The following ARHGEF3 variants were observed in gnomAD, a reference collection of about 807,000 sequenced individuals.
ARHGEF3 encodes the protein 59.8 kDA protein.
A neutral mutation model predicts 63.2 loss-of-function variants in ARHGEF3; 28 were observed. The observed-to-expected ratio is 0.44, with a 90% CI of 0.33 to 0.61. The LOEUF is 0.61. Ranked by LOEUF, ARHGEF3 falls within the 20% of genes least tolerant of loss-of-function variation. The probability of loss-of-function intolerance (pLI) is 0.03; values close to 1 mark genes in which losing one functional copy is unlikely to be tolerated. For missense variants in ARHGEF3, 533 were observed against 659.3 expected, an observed-to-expected ratio of 0.81 and a Z score of 2.10; for synonymous variants, 266 against 254.2, an observed-to-expected ratio of 1.05 and a Z score of -0.44.
At chr3:56,834,846 T>C (rs950945544) in intron 4 of ARHGEF3, among the ~76,000 whole-genome samples, 6 of 151,936 alleles carry the variant, frequency 3.9e-5, no homozygotes, top group African/African-American at 1.2e-4. Context: ...CACAAAGCAG[T>C]ATCTGTGCAT....
chr3:56,792,113 A>AAAAAAAAAAAGAAAAG (rs55899473), intron 1 of ARHGEF3, among the ~76,000 whole-genome samples: 21 of 139,972 alleles, frequency 1.5e-4, no homozygotes, highest in Middle Eastern at 3.4e-3. Flanking sequence ...CAAAAAAAAA[A>AAAAAAAAAAAGAAAAG]AAAAGAAAAG....
intron 2 of ARHGEF3, among the ~76,000 whole-genome samples, chr3:56,769,285 G>C (rs1213766896): frequency 6.6e-6 from 1 of 152,190 alleles, no homozygotes; most frequent in Non-Finnish European, 1.5e-5. Context: ...GGCCAAAGGC[G>C]AGCTCGCCTT....
chr3:57,001,935 TTG>T lies in ARHGEF3; in HGVS notation c.62+33151_62+33152del, dbSNP rs1379059736. 3.1e-4 allele frequency among the ~76,000 whole-genome samples: 44 copies of T among 140,476 alleles called. 10 individuals are homozygous for T. Among genetic ancestry groups the T allele is most frequent in the African/African-American group, 7.1e-4 (27 of 38,010 alleles). The allele number at this position is 140,476 out of a possible 152,430, so 92.2% of individuals were successfully genotyped here. A position where few individuals can be genotyped will look rare whatever the true frequency, so the allele number is the denominator to read the frequency against. ...AGATAGTTTTTTTTTTTTTTGTTTT[TTG>T]TTTTGAGACGGAGTCTCACTCTGTT... On this transcript the variant is annotated intron_variant, in intron 2 of 12. Coordinates refer to the ARHGEF3 transcript ENST00000338458.
chr3:56,751,364 T>C lies in ARHGEF3; in HGVS notation c.471A>G (p.Ile157Met). The change falls in exon 5 of 10, where the codon ATA (isoleucine) becomes ATG (methionine). Residue 157 changes from isoleucine to methionine, a missense_variant. Ile to Met is a conservative substitution (Grantham distance 10, BLOSUM62 1). This residue lies in a region of ARHGEF3 where 107 missense variants were observed against 207.9 expected (regional missense o/e 0.51). Coordinates refer to ENST00000296315, the MANE Select transcript of ARHGEF3 (RefSeq NM_019555.3). ...TTTGATTCAACTCTTGTTCTGTCAT[T>C]ATGGAGAGTTTCAGCATGGGGTCAT... ...AYHDPMLKLS[I>M]MTEQELNQIF... The C allele has an allele frequency of 6.2e-7, 1 of 1,614,070 alleles. No individual in the cohort carries two copies. The highest frequency in any genetic ancestry group is 8.5e-7 in the Non-Finnish European group (1 of 1,179,946).
In ARHGEF3 at chr3:56,942,220, G is replaced by A. The variant is rs550600390; in HGVS notation, c.129+16603C>T. 9.8e-5 allele frequency among the ~76,000 whole-genome samples: 15 copies of A among 152,314 alleles called. No individual in the cohort carries two copies. The South Asian group carries it at 1.7e-3, about 17-fold the overall frequency. ...CACTTGGCTTTATTGCACTTTGCAG[G>A]TGCCACAAACTGAAGGTTTGTGGTA... On this transcript the variant is annotated intron_variant, in intron 3 of 12. Transcript: ENST00000338458.
chr3:57,021,375 G>C (rs570530133), intron 2 of ARHGEF3, among the ~76,000 whole-genome samples: 1 of 152,162 alleles, frequency 6.6e-6, no homozygotes, highest in Non-Finnish European at 1.5e-5. Context: ...CTGAAAGCCT[G>C]CATCACATCT....
At chr3:57,023,608 G>A (rs1579111483) in intron 2 of ARHGEF3, among the ~76,000 whole-genome samples, 1 of 152,154 alleles carries the variant, frequency 6.6e-6, no homozygotes, top group South Asian at 2.1e-4. Flanking sequence ...CAGCCCAGAG[G>A]ACTCCCAGGC....
At chr3:56,842,608 T>C (rs1500707) in intron 4 of ARHGEF3, among the ~76,000 whole-genome samples, 114,961 of 152,110 alleles carry the variant, frequency 0.76, 43,562 homozygotes, top group South Asian at 0.81. Flanking sequence ...CCCTCATCTT[T>C]TCCCCTGCCC....
At chr3:56,970,434 G>A (rs532857130) in intron 2 of ARHGEF3, among the ~76,000 whole-genome samples, 3 of 152,270 alleles carry the variant, frequency 2.0e-5, no homozygotes, top group Admixed American at 6.5e-5. Context: ...TGATGGAAGC[G>A]GCTTAGTGGT....
At chr3:56,796,431 C>T (rs7622820) in intron 1 of ARHGEF3, among the ~76,000 whole-genome samples, 10,727 of 152,242 alleles carry the variant, frequency 0.07, 754 homozygotes, top group East Asian at 0.24. Flanking sequence ...CACCTCCACA[C>T]AGCTAAGCAT....
At chr3:56,766,482 T>A (rs2035709563) in intron 2 of ARHGEF3, among the ~76,000 whole-genome samples, 1 of 152,196 alleles carries the variant, frequency 6.6e-6, no homozygotes, top group African/African-American at 2.4e-5. Flanking sequence ...ACTGCCAGGC[T>A]CTGCAGAGAG....
At chr3:56,965,343 AG>A (rs1291039778) in intron 2 of ARHGEF3, among the ~76,000 whole-genome samples, 2 of 152,216 alleles carry the variant, frequency 1.3e-5, no homozygotes, top group Non-Finnish European at 2.9e-5. Flanking sequence ...AGAAATCCCT[AG>A]GAAAATATAA....
At chr3:56,796,455 A>G (rs368671057) in intron 1 of ARHGEF3, among the ~76,000 whole-genome samples, 7 of 152,250 alleles carry the variant, frequency 4.6e-5, no homozygotes, top group African/African-American at 1.7e-4. Flanking sequence ...GAATTCTGCC[A>G]AAGACCAGCT....
At chr3:56,980,897 T>A (rs1701301917) in intron 2 of ARHGEF3, among the ~76,000 whole-genome samples, 1 of 152,226 alleles carries the variant, frequency 6.6e-6, no homozygotes, top group Non-Finnish European at 1.5e-5. Context: ...CCCACCTCAA[T>A]ATCCACATGG....
intron 3 of ARHGEF3, among the ~76,000 whole-genome samples, chr3:56,909,546 GA>G (rs2041798766): frequency 6.6e-6 from 1 of 152,158 alleles, no homozygotes; most frequent in Non-Finnish European, 1.5e-5. Context: ...TGTCTGACCC[GA>G]GCTTGCTGTA....
At chr3:56,786,723 A>G (rs2036837935) in intron 1 of ARHGEF3, among the ~76,000 whole-genome samples, 1 of 152,158 alleles carries the variant, frequency 6.6e-6, no homozygotes, top group Non-Finnish European at 1.5e-5. Flanking sequence ...CTGTGAATAT[A>G]AAAAAATGAT....
At chr3:56,913,917 T>C (rs529470051) in intron 3 of ARHGEF3, among the ~76,000 whole-genome samples, 24 of 152,306 alleles carry the variant, frequency 1.6e-4, no homozygotes, top group Non-Finnish European at 2.8e-4. Flanking sequence ...TAAACCGTGG[T>C]ATATTTATAC....
At chr3:56,777,400 TTG>T (rs1446116275) in intron 1 of ARHGEF3, among the ~76,000 whole-genome samples, 1 of 152,240 alleles carries the variant, frequency 6.6e-6, no homozygotes, top group East Asian at 1.9e-4. Context: ...TTAAAATATC[TTG>T]TGTTTAATTA....
intron 2 of ARHGEF3, among the ~76,000 whole-genome samples, chr3:56,767,546 T>C (rs1271254757): frequency 7.8e-6 from 1 of 128,302 alleles, no homozygotes; most frequent in Non-Finnish European, 1.5e-5. Context: ...ATTGCGCCAC[T>C]GCACTCCAGC....
Sources: allele counts gnomAD v4.1 joint callset (sites outside exome capture counted in the v4.1 genomes callset), GRCh38; gene constraint gnomAD v4.1.1; regional missense constraint gnomAD v4.1.1; transcripts MANE v1.5; gene names NCBI Gene and HGNC (gene_info 2026-07-23, HGNC 2026-07-21).